The following CRHR1 variants were observed in gnomAD, a reference collection of about 807,000 sequenced individuals.
CRHR1 encodes corticotropin-releasing hormone receptor 1.
CRHR1 carries 28 observed loss-of-function variants against 56.0 expected under a neutral mutation model. The ratio of observed to expected loss-of-function variants is 0.50; its 90% confidence interval spans 0.37 to 0.69. CRHR1 has a LOEUF of 0.69. CRHR1 is among the 30% of genes least tolerant of loss of function. The pLI is 0.00. For synonymous variants in CRHR1, 195 were observed against 216.5 expected (o/e 0.90, Z 0.87); for missense variants, 376 against 548.0 (o/e 0.69, Z 3.13).
chr17:45,796,749 G>A (rs1328382293), intron 1 of CRHR1, among the ~76,000 whole-genome samples: 2 of 152,130 alleles, frequency 1.3e-5, no homozygotes, highest in African/African-American at 4.8e-5. Flanking sequence ...CTTCAGTAAA[G>A]GCTGAAGAAA....
chr17:45,787,440 G>C (rs1231958231), intron 1 of CRHR1, among the ~76,000 whole-genome samples: 3 of 152,224 alleles, frequency 2.0e-5, no homozygotes, highest in Non-Finnish European at 2.9e-5. Context: ...TGAGCTCCCA[G>C]GAGGGAGCTG....
rs1202627346 is a variant in CRHR1, at chr17:45,807,229, C to T, written c.121+132C>T. 3 of 785,358 alleles carry T rather than the reference C, an allele frequency of 3.8e-6. No individual in the cohort carries two copies. The African/African-American group carries it at 5.1e-5, about 13-fold the overall frequency. The allele number at this position is 785,358 out of a possible 1,614,324, so 48.6% of individuals were successfully genotyped here. A position where few individuals can be genotyped will look rare whatever the true frequency, so the allele number is the denominator to read the frequency against. ...CAGAGTCATTTCCTCTCCAGGGCTCCAAGCAATTCTTCACATCTCCACCGA... is the reference window on the plus strand; with the variant it reads ...CAGAGTCATTTCCTCTCCAGGGCTCTAAGCAATTCTTCACATCTCCACCGA... On this transcript the variant is annotated intron_variant, in intron 2 of 12. Transcript: ENST00000314537.
chr17:45,822,362 C>T (rs1368527811), intron 4 of CRHR1, among the ~76,000 whole-genome samples: 1 of 152,224 alleles, frequency 6.6e-6, no homozygotes, highest in Non-Finnish European at 1.5e-5. Flanking sequence ...GGAGCTGCTA[C>T]TGCCCTCGGT....
intron 1 of CRHR1, among the ~76,000 whole-genome samples, chr17:45,797,281 T>C (rs1309890273): frequency 6.8e-6 from 1 of 146,430 alleles, no homozygotes; most frequent in African/African-American, 2.6e-5. Context: ...TTTTCTTTCT[T>C]TCTTTTTTTT....
At chr17:45,820,330 G>A (rs897868790) in intron 3 of CRHR1, among the ~76,000 whole-genome samples, 21 of 152,340 alleles carry the variant, frequency 1.4e-4, no homozygotes, top group African/African-American at 4.8e-4. Flanking sequence ...TGCCAGCAGA[G>A]AAGATGAGAT....
Position 45,784,509 on chromosome 17 carries a change from C to G in CRHR1, c.-36C>G. ...GGTCCCTCTGGGATGTCCGTAGGAC[C>G]CGGGCATTCAGGACGGTAGCCGAGC... On this transcript the variant is annotated 5_prime_UTR_variant, in exon 1 of 13. Coordinates refer to ENST00000314537, the MANE Select transcript of CRHR1 (RefSeq NM_004382.5). The surrounding 1 kb of genome is among the most constrained non-coding windows in gnomAD (Gnocchi z 4.2). 6.5e-7 allele frequency: 1 copy of G among 1,532,222 alleles called. No homozygotes were observed. Among genetic ancestry groups the G allele is most frequent in the African/African-American group, 1.4e-5 (1 of 70,710 alleles). The allele number at this position is 1,532,222 out of a possible 1,614,324, so 94.9% of individuals were successfully genotyped here.
At chr17:45,833,411 C>A in intron 9 of CRHR1, 41 bp from the exon 10 acceptor site, 1 of 1,601,956 alleles carries the variant, frequency 6.2e-7, no homozygotes, top group Non-Finnish European at 8.6e-7. Flanking sequence ...GGGTCCCAAG[C>A]CTCTTGCACA....
intron 1 of CRHR1, among the ~76,000 whole-genome samples, chr17:45,803,693 C>T (rs1448346244): frequency 6.6e-6 from 1 of 152,156 alleles, no homozygotes; most frequent in Non-Finnish European, 1.5e-5. Context: ...GCCAGTGTCT[C>T]CAGTTTCTTT....
At chr17:45,807,251 C>T (rs2061737408) in intron 2 of CRHR1, among the ~76,000 whole-genome samples, 154 bp downstream of exon 2, 1 of 152,240 alleles carries the variant, frequency 6.6e-6, no homozygotes, top group Admixed American at 6.5e-5. Context: ...CACATCTCCA[C>T]CGAGCACCGT....
chr17:45,831,858 T>C (rs565265402), intron 8 of CRHR1, among the ~76,000 whole-genome samples: 1 of 151,968 alleles, frequency 6.6e-6, no homozygotes, highest in East Asian at 1.9e-4. Flanking sequence ...TCCTCCCCCA[T>C]GGAGGGGAGG....
At position 45,784,550 on chromosome 17, in the gene CRHR1, A is replaced by C. The variant is rs1292192719; in HGVS notation, c.6A>C (p.Gly2=). 1.9e-6 allele frequency: 3 copies of C among 1,554,314 alleles called. No homozygotes were observed. The Admixed American group carries it at 5.7e-5, about 29-fold the overall frequency. Residue 2 remains glycine (G), a synonymous_variant, in exon 1 of 13, where the codon GGA becomes GGC. Coordinates refer to ENST00000314537, the MANE Select transcript of CRHR1 (RefSeq NM_004382.5). The surrounding 1 kb of genome is among the most constrained non-coding windows in gnomAD (Gnocchi z 4.2). The part of the protein sequence containing the change: M[G]GHPQLRLVKA... The stretch of plus-strand genomic sequence containing the variant: ...GTAGCCGAGCGAGCCCGAGGATGGG[A>C]GGGCACCCGCAGCTCCGTCTCGTCA...
chr17:45,811,526 C>T (rs1045163350), intron 2 of CRHR1, among the ~76,000 whole-genome samples: 8 of 152,166 alleles, frequency 5.3e-5, no homozygotes, highest in East Asian at 1.9e-4. Flanking sequence ...TGGTGACGTG[C>T]GCTGGTGAGT....
chr17:45,812,432 C>G (rs1253928124), intron 2 of CRHR1, among the ~76,000 whole-genome samples: 1 of 152,218 alleles, frequency 6.6e-6, no homozygotes, highest in Non-Finnish European at 1.5e-5. Flanking sequence ...TTGGATTACT[C>G]TGGTCCAAAT....
intron 7 of CRHR1, 61 bp from the exon 8 acceptor site, chr17:45,830,819 C>G (rs2062289603): frequency 4.5e-6 from 7 of 1,549,558 alleles, no homozygotes; most frequent in Non-Finnish European, 6.2e-6. Flanking sequence ...CACTGGGGTT[C>G]TCCAGGCCCA....
chr17:45,819,271 T>A (rs62057109), intron 3 of CRHR1, among the ~76,000 whole-genome samples: 1 of 152,210 alleles, frequency 6.6e-6, no homozygotes, highest in Non-Finnish European at 1.5e-5. Flanking sequence ...ATGTAGGAGC[T>A]GCTATTCAGA....
intron 3 of CRHR1, among the ~76,000 whole-genome samples, chr17:45,817,158 C>T (rs1189463280): frequency 6.6e-6 from 1 of 152,196 alleles, no homozygotes; most frequent in Non-Finnish European, 1.5e-5. Context: ...GATACTTGAT[C>T]CTCATGTAAA....
chr17:45,829,935 G>T lies in CRHR1; in HGVS notation c.435-159G>T, dbSNP rs1015438339. Among the ~76,000 whole-genome samples, 16 of 152,242 alleles carry T rather than the reference G, an allele frequency of 1.1e-4. No homozygotes were observed. In the Middle Eastern group the frequency reaches 0.01, roughly 97 times the overall value. On this transcript the variant is annotated intron_variant, in intron 5 of 12. Coordinates refer to ENST00000314537, the MANE Select transcript of CRHR1 (RefSeq NM_004382.5). Reference sequence around the variant, plus strand: ...CAGGAAGGGCTCCATGGGGCATTAGGAGAGCCTGGCTGTCACCTCCCTGTG... The same window carrying T: ...CAGGAAGGGCTCCATGGGGCATTAGTAGAGCCTGGCTGTCACCTCCCTGTG...
At chr17:45,794,684 A>G (rs1028172224) in intron 1 of CRHR1, among the ~76,000 whole-genome samples, 1 of 152,248 alleles carries the variant, frequency 6.6e-6, no homozygotes, top group Admixed American at 6.5e-5. Flanking sequence ...ACTTGGTGAC[A>G]AGGTGAGCTG....
chr17:45,823,954 CA>C (rs1386497902), intron 4 of CRHR1, among the ~76,000 whole-genome samples: 1 of 152,202 alleles, frequency 6.6e-6, no homozygotes, highest in Non-Finnish European at 1.5e-5. Flanking sequence ...GGGTGGCACT[CA>C]AGGCTGGGGT....
Sources: allele counts gnomAD v4.1 joint callset (sites outside exome capture counted in the v4.1 genomes callset), GRCh38; gene constraint gnomAD v4.1.1; non-coding constraint Gnocchi (gnomAD v3.1); transcripts MANE v1.5; gene names NCBI Gene and HGNC (gene_info 2026-07-23, HGNC 2026-07-21).